The following SERPINE2 variants were observed in gnomAD, a reference collection of about 807,000 sequenced individuals.
The protein encoded by SERPINE2 is glia-derived nexin.
SERPINE2 carries 14 observed loss-of-function variants against 36.3 expected under a neutral mutation model. The observed-to-expected ratio is 0.39, with a 90% CI of 0.25 to 0.60. SERPINE2 has a LOEUF of 0.60. Ranked by LOEUF, SERPINE2 falls within the 20% of genes least tolerant of loss-of-function variation. The probability of loss-of-function intolerance (pLI) is 0.57; values close to 1 mark genes in which losing one functional copy is unlikely to be tolerated. For missense variants in SERPINE2, 418 were observed against 499.6 expected (o/e 0.84, Z 1.56); for synonymous variants, 192 against 191.8 (o/e 1.00, Z -0.01).
At chr2:224,017,327 AC>A (rs998402997) in intron 1 of SERPINE2, among the ~76,000 whole-genome samples, 1 of 151,976 alleles carries the variant, frequency 6.6e-6, no homozygotes, top group Non-Finnish European at 1.5e-5. Flanking sequence ...CAACAAAAAA[AC>A]CCTACTGTAA....
chr2:223,991,473 C>T (rs1690669294), intron 4 of SERPINE2, among the ~76,000 whole-genome samples: 1 of 152,174 alleles, frequency 6.6e-6, no homozygotes. Context: ...TAATGAGTTG[C>T]TGTGTTTAAT....
At chr2:223,994,380 C>A (rs1035974422) in intron 3 of SERPINE2, among the ~76,000 whole-genome samples, 1 of 152,058 alleles carries the variant, frequency 6.6e-6, no homozygotes, top group African/African-American at 2.4e-5. Context: ...AATAAGGGGA[C>A]ATGAAGAAAT....
At chr2:224,038,378 G>C in intron 1 of SERPINE2, 1 of 837,458 alleles carries the variant, frequency 1.2e-6, no homozygotes, top group Middle Eastern at 2.2e-4. Context: ...CATAATACCT[G>C]AAGGTGGAGT....
chr2:224,022,899 T>C (rs547835659), intron 1 of SERPINE2, among the ~76,000 whole-genome samples: 3 of 152,012 alleles, frequency 2.0e-5, no homozygotes, highest in African/African-American at 4.8e-5. Context: ...GTGAATCTCA[T>C]GAGATTTGAT....
intron 3 of SERPINE2, among the ~76,000 whole-genome samples, chr2:223,995,234 C>A (rs1030160436): frequency 6.6e-6 from 1 of 152,194 alleles, no homozygotes; most frequent in African/African-American, 2.4e-5. Context: ...GCGCGTTGGG[C>A]TCTCCCACTC....
chr2:224,037,434 GC>G (rs778947913), intron 1 of SERPINE2, among the ~76,000 whole-genome samples: 5 of 152,216 alleles, frequency 3.3e-5, no homozygotes, highest in Non-Finnish European at 5.9e-5. Flanking sequence ...TCAAGAGAGG[GC>G]AAGACTTGGA....
chr2:224,035,774 C>G (rs1355200463), intron 1 of SERPINE2, among the ~76,000 whole-genome samples: 1 of 152,236 alleles, frequency 6.6e-6, no homozygotes, highest in East Asian at 1.9e-4. Context: ...GCCAACAACA[C>G]TGCTGCCTAC....
At chr2:223,995,607 GTT>G (rs869079550) in intron 3 of SERPINE2, among the ~76,000 whole-genome samples, 2 of 151,058 alleles carry the variant, frequency 1.3e-5, no homozygotes, top group African/African-American at 4.8e-5. Context: ...GGTGTTTTGG[GTT>G]TTTTGTTTTT....
rs563945002 is a variant in SERPINE2, at chr2:224,000,105, C to T, written c.259+1537G>A. ...GAGCGAGGCACTGAAGGACACAAAT[C>T]GCCACCTCACTGATCTTACTCTCCA... On this transcript the variant is annotated intron_variant, in intron 2 of 8. Transcript: ENST00000409304. 9.2e-5 allele frequency among the ~76,000 whole-genome samples: 14 copies of T among 152,324 alleles called. No individual in the cohort carries two copies. The South Asian group carries it at 2.7e-3, about 29-fold the overall frequency.
At chr2:224,009,694 C>CAA (rs141729141) in intron 1 of SERPINE2, among the ~76,000 whole-genome samples, 130 of 146,922 alleles carry the variant, frequency 8.8e-4, no homozygotes, top group African/African-American at 2.5e-3. Context: ...GACTCTGTCT[C>CAA]AAAAAAAAAA....
Position 223,977,631 on chromosome 2 carries a change from C to T in SERPINE2, c.1073-4G>A, listed in dbSNP as rs567218200. On this transcript the variant is annotated splice_polypyrimidine_tract_variant and splice_region_variant and intron_variant, in intron 7 of 8. Transcript: ENST00000409304. ...GATCTTGCAATGAGAATTGCAGCTA[C>T]GGGAAGAAAAGGAAAATGTGTTGTG... 6.8e-6 allele frequency: 11 copies of T among 1,607,320 alleles called. No individual in the cohort carries two copies. The highest frequency in any genetic ancestry group is 4.4e-5 in the South Asian group (4 of 90,952).
At chr2:223,998,432 T>C (rs1328317414) in intron 2 of SERPINE2, 90 bp from the exon 3 acceptor site, 1 of 975,742 alleles carries the variant, frequency 1.0e-6, no homozygotes, top group Non-Finnish European at 1.6e-6. Flanking sequence ...GTAAGAACAG[T>C]ATAGGCCAGG....
At chr2:224,028,642 C>T (rs1692262942) in intron 1 of SERPINE2, among the ~76,000 whole-genome samples, 1 of 152,154 alleles carries the variant, frequency 6.6e-6, no homozygotes, top group South Asian at 2.1e-4. Context: ...ATTTTTCTCA[C>T]CTATAAACCA....
chr2:224,010,888 T>A (rs757666279), intron 1 of SERPINE2, among the ~76,000 whole-genome samples: 7 of 152,222 alleles, frequency 4.6e-5, no homozygotes, highest in Non-Finnish European at 8.8e-5. Context: ...AGGATCAAGC[T>A]AAGAAAACAG....
At chr2:224,033,247 C>G (rs1183343632) in intron 1 of SERPINE2, among the ~76,000 whole-genome samples, 3 of 152,114 alleles carry the variant, frequency 2.0e-5, no homozygotes, top group Non-Finnish European at 2.9e-5. Flanking sequence ...GTATATGGGA[C>G]CTAATTTATT....
At chr2:224,036,901 G>C (rs1381728510) in intron 1 of SERPINE2, among the ~76,000 whole-genome samples, 2 of 152,134 alleles carry the variant, frequency 1.3e-5, no homozygotes, top group Non-Finnish European at 2.9e-5. Flanking sequence ...CACTCACAAG[G>C]AGAGAGAGGC....
At chr2:224,020,642 C>A (rs1446363626) in intron 1 of SERPINE2, among the ~76,000 whole-genome samples, 1 of 152,182 alleles carries the variant, frequency 6.6e-6, no homozygotes, top group South Asian at 2.1e-4. Flanking sequence ...ACTGCAAATG[C>A]CCCACGAGTC....
At chr2:223,988,905 T>C (rs974689704) in intron 4 of SERPINE2, among the ~76,000 whole-genome samples, 2 of 152,220 alleles carry the variant, frequency 1.3e-5, no homozygotes, top group African/African-American at 2.4e-5. Context: ...CACTCTCTAA[T>C]GAAAGCAGAT....
chr2:224,005,843 G>A (rs563248855), intron 1 of SERPINE2, among the ~76,000 whole-genome samples: 80 of 152,228 alleles, frequency 5.3e-4, no homozygotes, highest in Non-Finnish European at 2.5e-4. Flanking sequence ...GTAAAAATAG[G>A]TCTCTAGGCC....
Sources: allele counts gnomAD v4.1 joint callset (sites outside exome capture counted in the v4.1 genomes callset), GRCh38; gene constraint gnomAD v4.1.1; transcripts MANE v1.5; gene names NCBI Gene and HGNC (gene_info 2026-07-23, HGNC 2026-07-21).